KHDRBS2: variants seen among roughly 807,000 people sequenced by gnomAD.
KHDRBS2 encodes KH domain-containing, RNA-binding, signal transduction-associated protein 2.
In KHDRBS2, 26 loss-of-function variants were observed where a neutral mutation model predicts 44.3. The ratio of observed to expected loss-of-function variants is 0.59; its 90% CI spans 0.43 to 0.81. The LOEUF is 0.81. Ranked by LOEUF, KHDRBS2 falls within the 40% of genes least tolerant of loss-of-function variation. KHDRBS2 has a pLI of 0.00. For synonymous variants in KHDRBS2, 194 were observed against 151.1 expected (o/e 1.28, Z -2.08); for missense variants, 476 against 433.1 (o/e 1.10, Z -0.88).
intron 1 of KHDRBS2, among the ~76,000 whole-genome samples, chr6:62,278,824 GT>G (rs1394547163): frequency 6.6e-6 from 1 of 152,194 alleles, no homozygotes; most frequent in Non-Finnish European, 1.5e-5. Context: ...GCCAGGCGTG[GT>G]GGCTCACGTC....
the KHDRBS2 span, among the ~76,000 whole-genome samples, chr6:61,615,219 C>CCAAAAAA: frequency 4.0e-5 from 4 of 101,018 alleles, no homozygotes; most frequent in Admixed American, 1.4e-4. Context: ...GGTGACAGAG[C>CCAAAAAA]AAGACTCCAT....
At chr6:61,944,608 T>C (rs1330784443) in intron 4 of KHDRBS2, among the ~76,000 whole-genome samples, 1 of 152,132 alleles carries the variant, frequency 6.6e-6, no homozygotes, top group Admixed American at 6.6e-5. Context: ...TGAGTAGCAG[T>C]AAGCAACAAT....
chr6:61,663,817 C>G, the KHDRBS2 span, among the ~76,000 whole-genome samples: 1 of 151,446 alleles, frequency 6.6e-6, no homozygotes, highest in Non-Finnish European at 1.5e-5. Context: ...CACTTGAAAA[C>G]TAAGTTTAAT....
intron 6 of KHDRBS2, among the ~76,000 whole-genome samples, chr6:61,838,466 A>T (rs752902691): frequency 6.6e-6 from 1 of 152,010 alleles, no homozygotes; most frequent in Non-Finnish European, 1.5e-5. Context: ...TGTACAATTT[A>T]TCTCAAAATA....
chr6:62,177,047 A>G (rs1821240008), intron 2 of KHDRBS2, 138 bp downstream of exon 2: 7 of 462,588 alleles, frequency 1.5e-5, no homozygotes, highest in Non-Finnish European at 2.5e-5. Context: ...TCCTTCCCCT[A>G]TGTCAGTATC....
At chr6:62,175,089 T>C (rs1466118914) in intron 2 of KHDRBS2, among the ~76,000 whole-genome samples, 2 of 151,684 alleles carry the variant, frequency 1.3e-5, no homozygotes, top group African/African-American at 2.4e-5. Flanking sequence ...TAGTTTGTTT[T>C]CAAAATATTA....
At chr6:62,281,813 C>T (rs1221641376) in intron 1 of KHDRBS2, among the ~76,000 whole-genome samples, 2 of 151,978 alleles carry the variant, frequency 1.3e-5, no homozygotes, top group African/African-American at 2.4e-5. Context: ...AATGACACAT[C>T]CTTTATTTCC....
chr6:61,560,740 A>C, the KHDRBS2 span, among the ~76,000 whole-genome samples: 2 of 152,074 alleles, frequency 1.3e-5, no homozygotes. Flanking sequence ...AATTTCATTA[A>C]GTTTTCTTAA....
At chr6:61,769,848 C>T (rs1469521059) in intron 6 of KHDRBS2, among the ~76,000 whole-genome samples, 1 of 152,186 alleles carries the variant, frequency 6.6e-6, no homozygotes, top group Non-Finnish European at 1.5e-5. Context: ...GTGGTTCTCC[C>T]AGCACGCAGC....
the KHDRBS2 span, among the ~76,000 whole-genome samples, chr6:61,672,263 G>T: frequency 1.3e-5 from 2 of 151,718 alleles, no homozygotes; most frequent in Non-Finnish European, 2.9e-5. Flanking sequence ...CATTTGGGTT[G>T]GTTCCAAGTC....
At chr6:62,024,119 T>G (rs1782850353) in intron 3 of KHDRBS2, among the ~76,000 whole-genome samples, 2 of 151,230 alleles carry the variant, frequency 1.3e-5, no homozygotes, top group East Asian at 3.9e-4. Context: ...CTCATAAAAA[T>G]TACCAATAGA....
chr6:62,119,162 T>C (rs1807008946), intron 2 of KHDRBS2, among the ~76,000 whole-genome samples: 1 of 152,190 alleles, frequency 6.6e-6, no homozygotes, highest in South Asian at 2.1e-4. Context: ...AGGACTCTAC[T>C]TCTAATATTA....
At chr6:61,605,993 T>A in the KHDRBS2 span, among the ~76,000 whole-genome samples, 1 of 152,146 alleles carries the variant, frequency 6.6e-6, no homozygotes, top group Non-Finnish European at 1.5e-5. Context: ...GGTCCCTGCC[T>A]TAAATGATGA....
At chr6:61,946,025 G>A (rs1382634161) in intron 4 of KHDRBS2, among the ~76,000 whole-genome samples, 1 of 152,176 alleles carries the variant, frequency 6.6e-6, no homozygotes, top group Non-Finnish European at 1.5e-5. Flanking sequence ...GATTGAAAGA[G>A]AGAGAGTAAT....
chr6:61,867,594 C>T (rs1308145204), intron 6 of KHDRBS2, among the ~76,000 whole-genome samples: 1 of 152,176 alleles, frequency 6.6e-6, no homozygotes, highest in Non-Finnish European at 1.5e-5. Flanking sequence ...GGCTTATCTG[C>T]CTTCCATCTT....
intron 3 of KHDRBS2, among the ~76,000 whole-genome samples, chr6:62,041,633 C>T (rs1439689371): frequency 6.6e-6 from 1 of 151,984 alleles, no homozygotes; most frequent in Non-Finnish European, 1.5e-5. Flanking sequence ...ATACAAGTAG[C>T]ATTAATAAAA....
intron 2 of KHDRBS2, among the ~76,000 whole-genome samples, chr6:62,119,935 A>T (rs1229068240): frequency 6.6e-6 from 1 of 151,870 alleles, no homozygotes; most frequent in Non-Finnish European, 1.5e-5. Context: ...TCAGAGTGTG[A>T]CCCACAAGGC....
intron 3 of KHDRBS2, among the ~76,000 whole-genome samples, chr6:62,006,030 T>G (rs1779149013): frequency 6.6e-6 from 1 of 151,916 alleles, no homozygotes. Context: ...CATAGCAGCC[T>G]CCAATGTAGA....
intron 3 of KHDRBS2, among the ~76,000 whole-genome samples, chr6:62,015,326 G>C (rs1192155346): frequency 6.6e-6 from 1 of 152,108 alleles, no homozygotes; most frequent in Admixed American, 6.6e-5. Flanking sequence ...AGTTCATATT[G>C]TTTGAAAGAG....
Sources: gnomAD v4.1 joint callset for allele counts (sites outside exome capture counted in the v4.1 genomes callset) on GRCh38, gnomAD v4.1.1 for gene constraint, MANE v1.5 for transcripts, NCBI Gene and HGNC (gene_info 2026-07-23, HGNC 2026-07-21) for gene names.